Variants in NINJ2 observed in about 807,000 individuals in gnomAD.
NINJ2 encodes ninjurin 2, also known as ninjurin-2.
Under a neutral mutation model 11.7 loss-of-function variants are expected in NINJ2, and 12 were observed. The observed-to-expected ratio is 1.02, with a 90% CI of 0.66 to 1.66. NINJ2 has a LOEUF of 1.66. Among genes scored for constraint, NINJ2 ranks in the 40% most tolerant of loss-of-function variants. The pLI is 0.00. For synonymous variants in NINJ2, 93 were observed against 76.8 expected (o/e 1.21, Z -1.10); for missense variants, 187 against 181.8 (o/e 1.03, Z -0.16).
At chr12:582,372 C>T (rs1227939642) in intron 1 of NINJ2, among the ~76,000 whole-genome samples, 2 of 91,872 alleles carry the variant, frequency 2.2e-5, no homozygotes, top group Admixed American at 1.2e-4. Context: ...AATGAATGGG[C>T]GCAGGCAGGC....
At chr12:623,010 C>G (rs1948171839) in intron 1 of NINJ2, among the ~76,000 whole-genome samples, 1 of 152,172 alleles carries the variant, frequency 6.6e-6, no homozygotes, top group Admixed American at 6.5e-5. Context: ...TGTAATGAGA[C>G]CTCTAAATGT....
intron 1 of NINJ2, among the ~76,000 whole-genome samples, chr12:590,276 C>A (rs1372926681): frequency 6.6e-6 from 1 of 151,998 alleles, no homozygotes; most frequent in African/African-American, 2.4e-5. Flanking sequence ...GAGAGCCACG[C>A]GCGGGAGCCC....
intron 1 of NINJ2, among the ~76,000 whole-genome samples, chr12:658,715 G>GT (rs1937911638): frequency 6.9e-6 from 1 of 145,440 alleles, no homozygotes; most frequent in Non-Finnish European, 1.5e-5. Flanking sequence ...GCTATGCTAT[G>GT]CTATGCTATG....
chr12:622,720 T>A (rs75129683), intron 1 of NINJ2, among the ~76,000 whole-genome samples: 3,889 of 152,238 alleles, frequency 0.026, 75 homozygotes, highest in Non-Finnish European at 0.043. Flanking sequence ...CCTTTCAGAA[T>A]CTGATAAAGG....
At chr12:634,160 C>T (rs746834542) in intron 1 of NINJ2, among the ~76,000 whole-genome samples, 5 of 151,798 alleles carry the variant, frequency 3.3e-5, no homozygotes, top group East Asian at 1.9e-4. Flanking sequence ...ATATATATAC[C>T]TCCCCCAATA....
At chr12:622,841 A>T (rs1315525568) in intron 1 of NINJ2, among the ~76,000 whole-genome samples, 1 of 151,810 alleles carries the variant, frequency 6.6e-6, no homozygotes, top group Non-Finnish European at 1.5e-5. Context: ...CAGCAGGTTC[A>T]TCGCCTCCTG....
chr12:625,035 G>A (rs1230494902), intron 1 of NINJ2, among the ~76,000 whole-genome samples: 1 of 150,868 alleles, frequency 6.6e-6, no homozygotes, highest in African/African-American at 2.4e-5. Context: ...CTTGAACCTG[G>A]GAGGTGGAGG....
At chr12:655,998 T>C (rs1045067739) in intron 1 of NINJ2, among the ~76,000 whole-genome samples, 6 of 152,190 alleles carry the variant, frequency 3.9e-5, no homozygotes, top group Admixed American at 3.9e-4. Flanking sequence ...GGACTCACTA[T>C]AGATTCAAAC....
rs556355082 is a variant in NINJ2 at position 625,459 on chromosome 12, G to T, written c.33+37869C>A. Among the ~76,000 whole-genome samples, 3 of 152,240 alleles carry T rather than the reference G, an allele frequency of 2.0e-5. No individual in the cohort carries two copies. In the South Asian group the frequency reaches 6.2e-4, roughly 32 times the overall value. ...TGAAGGTTTTTGAGTAGAGTTCATG[G>T]TGATCATAGCTGTATCCTAGAAAAA... On this transcript the variant is annotated intron_variant, in intron 1 of 3. Coordinates refer to ENST00000305108, the MANE Select transcript of NINJ2 (RefSeq NM_016533.6).
chr12:637,507 G>T (rs1283141819), intron 1 of NINJ2, among the ~76,000 whole-genome samples: 2 of 151,502 alleles, frequency 1.3e-5, no homozygotes, highest in Non-Finnish European at 2.9e-5. Flanking sequence ...TGGGCATGGT[G>T]GCAGGCACCT....
chr12:617,686 G>A (rs919225303), intron 1 of NINJ2, among the ~76,000 whole-genome samples: 4 of 152,196 alleles, frequency 2.6e-5, no homozygotes, highest in South Asian at 2.1e-4. Context: ...TGGCGTCGCC[G>A]TGTTTTCTGT....
chr12:580,079 A>T lies in NINJ2; in HGVS notation c.34-13901T>A, dbSNP rs1947525659. On this transcript the variant is annotated intron_variant, in intron 1 of 3. Coordinates refer to ENST00000305108, the MANE Select transcript of NINJ2 (RefSeq NM_016533.6). This position sits in a 1 kb window ranked among gnomAD's most constrained non-coding sequence, Gnocchi z 4.7. ...AATGATCTAGATATGCTACCTATAA[A>T]TATTTTAGACTGGTCCCCATTGTTG... Among the ~76,000 whole-genome samples, 1 of 152,184 alleles carries T rather than the reference A, an allele frequency of 6.6e-6. No homozygotes were observed. Among genetic ancestry groups the T allele is most frequent in the Non-Finnish European group, 1.5e-5 (1 of 68,030 alleles).
chr12:655,501 C>T (rs992327521), intron 1 of NINJ2, among the ~76,000 whole-genome samples: 3 of 152,210 alleles, frequency 2.0e-5, no homozygotes, highest in Non-Finnish European at 4.4e-5. Flanking sequence ...AAACTTAAAA[C>T]ACTACCATTT....
intron 1 of NINJ2, among the ~76,000 whole-genome samples, chr12:604,635 C>T (rs1947915734): frequency 6.6e-6 from 1 of 152,028 alleles, no homozygotes; most frequent in African/African-American, 2.4e-5. Flanking sequence ...GAGACTCAGT[C>T]CCAACAACAA....
chr12:587,987 G>C (rs1485118841), intron 1 of NINJ2, among the ~76,000 whole-genome samples: 1 of 151,734 alleles, frequency 6.6e-6, no homozygotes, highest in Non-Finnish European at 1.5e-5. Context: ...ATGAAGGGAG[G>C]GGACGACCTA....
rs1408911501 is a variant in NINJ2, at chr12:580,699, C to G, written c.34-14521G>C. Among the ~76,000 whole-genome samples, 4 of 152,148 alleles carry G rather than the reference C, an allele frequency of 2.6e-5. No individual in the cohort carries two copies. The East Asian group carries it at 7.7e-4, about 29-fold the overall frequency. Reference sequence around the variant, plus strand: ...AACTCCATGAACCTCTTCTGTGGCACCTTCTGGGGGTGCCTGCCAATGGCT... The same window carrying G: ...AACTCCATGAACCTCTTCTGTGGCAGCTTCTGGGGGTGCCTGCCAATGGCT... On this transcript the variant is annotated intron_variant, in intron 1 of 3. Coordinates refer to ENST00000305108, the MANE Select transcript of NINJ2 (RefSeq NM_016533.6). This position sits in a 1 kb window ranked among gnomAD's most constrained non-coding sequence, Gnocchi z 4.7.
At position 633,940 on chromosome 12, in the gene NINJ2, C is replaced by T. The variant is rs1304722090; in HGVS notation, c.33+29388G>A. 1.3e-5 allele frequency among the ~76,000 whole-genome samples: 2 copies of T among 152,194 alleles called. No individual in the cohort carries two copies. Among genetic ancestry groups the T allele is most frequent in the African/African-American group, 4.8e-5 (2 of 41,448 alleles). On this transcript the variant is annotated intron_variant, in intron 1 of 3. Transcript: ENST00000305108. The surrounding 1 kb of genome is among the most constrained non-coding windows in gnomAD (Gnocchi z 4.3). ...CTATCCAGTTGTGCTTTCCCCCACA[C>T]ACACCGTCTGATCTGGTCAGAAAGG...
chr12:587,508 A>G (rs10849288), intron 1 of NINJ2, among the ~76,000 whole-genome samples: 40,523 of 152,186 alleles, frequency 0.27, 5,702 homozygotes, highest in South Asian at 0.37. Flanking sequence ...AGGGAGCCCC[A>G]GAGGACTGAA....
At chr12:565,777 T>C in intron 2 of NINJ2, 173 bp downstream of exon 2, 1 of 694,602 alleles carries the variant, frequency 1.4e-6, no homozygotes, top group South Asian at 1.6e-5. Flanking sequence ...GCGCCTGCCC[T>C]CGCGGGGTGG....
Sources: gnomAD v4.1 joint callset for allele counts (sites outside exome capture counted in the v4.1 genomes callset) on GRCh38, gnomAD v4.1.1 for gene constraint, Gnocchi (gnomAD v3.1) non-coding constraint, MANE v1.5 for transcripts, NCBI Gene and HGNC (gene_info 2026-07-23, HGNC 2026-07-21) for gene names.